Variants in CNTN6 observed in about 807,000 individuals in gnomAD.
CNTN6 encodes the protein contactin-6.
In CNTN6, 137 loss-of-function variants were observed where a neutral mutation model predicts 122.8. The observed-to-expected ratio is 1.12, with a 90% confidence interval of 0.97 to 1.29. The LOEUF (loss-of-function observed/expected upper bound fraction) is 1.29, where lower values mean the gene tolerates loss of function less well. Ranked by LOEUF, CNTN6 falls within the 50% of genes most tolerant of loss-of-function variation. CNTN6 has a pLI of 0.00. For missense variants in CNTN6, 1,634 were observed against 1,223.4 expected (o/e 1.34, Z -5.01); for synonymous variants, 570 against 426.0 (o/e 1.34, Z -4.16).
chr3:1,168,032 C>G (rs888254441), intron 2 of CNTN6, among the ~76,000 whole-genome samples: 1 of 152,062 alleles, frequency 6.6e-6, no homozygotes, highest in Non-Finnish European at 1.5e-5. Context: ...CTCAGCCTCC[C>G]AAGTAGTTGG....
chr3:1,187,000 A>C (rs774163300), intron 2 of CNTN6, among the ~76,000 whole-genome samples: 6 of 152,266 alleles, frequency 3.9e-5, no homozygotes, highest in Non-Finnish European at 8.8e-5. Flanking sequence ...GCAGCCAATT[A>C]GGAGAAATGA....
At chr3:1,102,713 G>C (rs565814393) in intron 1 of CNTN6, among the ~76,000 whole-genome samples, 3 of 149,382 alleles carry the variant, frequency 2.0e-5, no homozygotes, top group African/African-American at 7.3e-5. Context: ...GGGCGACAGG[G>C]CGAGACTCCG....
At chr3:1,231,944 C>T (rs890766633) in intron 4 of CNTN6, among the ~76,000 whole-genome samples, 1 of 152,098 alleles carries the variant, frequency 6.6e-6, no homozygotes, top group Non-Finnish European at 1.5e-5. Context: ...TTTTATTTAT[C>T]AAAGCTTTTG....
intron 13 of CNTN6, 141 bp from the exon 14 acceptor site, chr3:1,372,697 G>C (rs1709227026): frequency 1.5e-6 from 1 of 685,044 alleles, no homozygotes; most frequent in Admixed American, 2.7e-5. Context: ...AAAGGGTTTA[G>C]ATACAAGAAA....
chr3:1,366,278 C>G (rs1279547894), intron 12 of CNTN6, among the ~76,000 whole-genome samples: 2 of 152,090 alleles, frequency 1.3e-5, no homozygotes, highest in African/African-American at 4.8e-5. Flanking sequence ...CTTAAAGAAT[C>G]TCAAATTTTT....
intron 1 of CNTN6, among the ~76,000 whole-genome samples, chr3:1,099,652 G>A (rs904552386): frequency 2.0e-5 from 3 of 151,972 alleles, no homozygotes; most frequent in Non-Finnish European, 4.4e-5. Context: ...TATCAAGTCC[G>A]TGCTGCATGT....
chr3:1,295,021 G>A (rs903850266), intron 5 of CNTN6, among the ~76,000 whole-genome samples: 11 of 152,176 alleles, frequency 7.2e-5, no homozygotes, highest in Admixed American at 2.6e-4. Flanking sequence ...GGGAGGCTAA[G>A]GCAGGAGAAT....
intron 6 of CNTN6, among the ~76,000 whole-genome samples, chr3:1,296,815 G>A (rs151082955): frequency 0.018 from 2,696 of 152,156 alleles, 88 homozygotes; most frequent in African/African-American, 0.062. Context: ...AAGAATTCAT[G>A]AGCCAACAAT....
intron 4 of CNTN6, among the ~76,000 whole-genome samples, chr3:1,251,883 GTCTGACTCATTGCCTAGTCC>G (rs1005817074): frequency 6.6e-6 from 1 of 152,028 alleles, no homozygotes; most frequent in African/African-American, 2.4e-5. Flanking sequence ...TCTGATTCAG[GTCTGACTCATTGCCTAGTCC>G]CTGAGCCAGG....
intron 4 of CNTN6, among the ~76,000 whole-genome samples, chr3:1,252,748 G>T (rs1575430430): frequency 6.6e-6 from 1 of 152,072 alleles, no homozygotes; most frequent in Non-Finnish European, 1.5e-5. Context: ...CCACACTCAA[G>T]GGGAAAGACA....
At chr3:1,167,047 T>TA (rs764885215) in intron 2 of CNTN6, among the ~76,000 whole-genome samples, 2,381 of 131,258 alleles carry the variant, frequency 0.018, 63 homozygotes, top group African/African-American at 0.06. Flanking sequence ...AACTTAAAAT[T>TA]AAAAAAAAAA....
intron 5 of CNTN6, among the ~76,000 whole-genome samples, chr3:1,289,919 C>T (rs1402707936): frequency 6.6e-6 from 1 of 152,122 alleles, no homozygotes; most frequent in African/African-American, 2.4e-5. Flanking sequence ...CGTGATCCGC[C>T]CGCCTCGGCC....
intron 20 of CNTN6, among the ~76,000 whole-genome samples, chr3:1,388,102 C>G (rs28883886): frequency 0.11 from 17,125 of 151,716 alleles, 1,265 homozygotes; most frequent in African/African-American, 0.22. Context: ...CTCCACCTCT[C>G]GGGGCAGGGC....
At chr3:1,380,774 G>A (rs1691746118) in intron 17 of CNTN6, among the ~76,000 whole-genome samples, 1 of 152,088 alleles carries the variant, frequency 6.6e-6, no homozygotes, top group South Asian at 2.1e-4. Context: ...TGCCAGATGT[G>A]GCTAGAAGTA....
rs940361025 is a variant in CNTN6 at position 1,290,770 on chromosome 3, G to C, written c.455-4831G>C. Among the ~76,000 whole-genome samples, 3 of 152,300 alleles carry C rather than the reference G, an allele frequency of 2.0e-5. No individual in the cohort carries two copies. The East Asian group carries it at 5.8e-4, about 29-fold the overall frequency. On this transcript the variant is annotated intron_variant, in intron 5 of 22. Transcript: ENST00000446702. ...TTTAGACCATATAGGGTAACTTTCTGATGCTACCATGGCATTTATAAATTG... is the reference window on the plus strand; with the variant it reads ...TTTAGACCATATAGGGTAACTTTCTCATGCTACCATGGCATTTATAAATTG...
intron 4 of CNTN6, among the ~76,000 whole-genome samples, chr3:1,264,392 C>G (rs1490047730): frequency 1.3e-5 from 2 of 152,048 alleles, no homozygotes; most frequent in African/African-American, 4.8e-5. Flanking sequence ...GCAAGCAGTT[C>G]ACCTCTTTGT....
chr3:1,113,000 T>C (rs1313280157), intron 1 of CNTN6, among the ~76,000 whole-genome samples: 1 of 152,124 alleles, frequency 6.6e-6, no homozygotes, highest in African/African-American at 2.4e-5. Flanking sequence ...AATTACACTA[T>C]CACTTATTAA....
At chr3:1,295,336 A>T (rs951811248) in intron 5 of CNTN6, among the ~76,000 whole-genome samples, 6 of 152,130 alleles carry the variant, frequency 3.9e-5, no homozygotes, top group African/African-American at 1.4e-4. Flanking sequence ...TCATCCACTT[A>T]TTTCCATAAC....
rs144647212 is a variant in CNTN6, at chr3:1,152,327, C to G, written c.55+4264C>G. On this transcript the variant is annotated intron_variant, in intron 2 of 22. Coordinates refer to ENST00000446702, the MANE Select transcript of CNTN6 (RefSeq NM_001289080.2). ...CTAATTTTTTGTATTTTAGTAGAGACAGGGTTTCACCATGTTGCCCAGGCT... is the reference window on the plus strand; with the variant it reads ...CTAATTTTTTGTATTTTAGTAGAGAGAGGGTTTCACCATGTTGCCCAGGCT... 4.1e-3 allele frequency among the ~76,000 whole-genome samples: 624 copies of G among 152,010 alleles called. 4 individuals carry two copies. The highest frequency in any genetic ancestry group is 0.014 in the African/African-American group (577 of 41,472).
Sources: gnomAD v4.1 joint callset for allele counts (sites outside exome capture counted in the v4.1 genomes callset) on GRCh38, gnomAD v4.1.1 for gene constraint, MANE v1.5 for transcripts, NCBI Gene and HGNC (gene_info 2026-07-23, HGNC 2026-07-21) for gene names.